Variants in PCDHGB2 observed in about 807,000 individuals in gnomAD.
PCDHGB2 encodes the protein protocadherin gamma-B2.
PCDHGB2 carries 55 observed loss-of-function variants against 59.3 expected under a neutral mutation model. The observed-to-expected ratio is 0.93, with a 90% CI of 0.75 to 1.16. The LOEUF (loss-of-function observed/expected upper bound fraction) is 1.16, where lower values mean the gene tolerates loss of function less well. Ranked by LOEUF, PCDHGB2 falls within the 50% of genes most tolerant of loss-of-function variation. The probability of loss-of-function intolerance (pLI) is 0.00; values close to 1 mark genes in which losing one functional copy is unlikely to be tolerated. For synonymous variants in PCDHGB2, 516 were observed against 512.0 expected, an observed-to-expected ratio of 1.01 and a Z score of -0.11; for missense variants, 1,228 against 1,198.5, an observed-to-expected ratio of 1.02 and a Z score of -0.36.
At position 141,409,157 on chromosome 5, in the gene PCDHGB2, G is replaced by C. The variant is rs774813801; in HGVS notation, c.2421+46601G>C. 4 of 1,614,054 alleles carry C rather than the reference G, an allele frequency of 2.5e-6. No homozygotes were observed. In the South Asian group the frequency reaches 4.4e-5, roughly 18 times the overall value. ...AGATGTAGAAAGGTACACCATGGAA[G>C]TGGAAGCGAAGGACGGAGGTGGTCT... On this transcript the variant is annotated intron_variant, in intron 1 of 3. Coordinates refer to ENST00000522605, the MANE Select transcript of PCDHGB2 (RefSeq NM_018923.3).
intron 1 of PCDHGB2, among the ~76,000 whole-genome samples, chr5:141,448,831 G>C (rs985602153): frequency 4.6e-5 from 7 of 152,096 alleles, no homozygotes; most frequent in Non-Finnish European, 7.4e-5. Flanking sequence ...TGTAGTCCCA[G>C]CTACTCTGGA....
intron 1 of PCDHGB2, chr5:141,394,008 G>A: frequency 1.2e-6 from 2 of 1,613,330 alleles, no homozygotes; most frequent in South Asian, 2.2e-5. Context: ...AAAGTCAATA[G>A]GTAATTATTA....
intron 1 of PCDHGB2, chr5:141,382,975 G>A (rs1459980689): frequency 6.2e-7 from 1 of 1,610,700 alleles, no homozygotes. Flanking sequence ...CCCCTGGGAA[G>A]CCTGGGCAGG....
Position 141,360,485 on chromosome 5 carries a change from T to C in PCDHGB2, c.350T>C (p.Phe117Ser), listed in dbSNP as rs751812912. Residue 117 changes from phenylalanine (F) to serine (S), a missense_variant, in exon 1 of 4, where the codon TTC (phenylalanine) becomes TCC (serine). This residue lies in a region of PCDHGB2 where 781 missense variants were observed against 721.6 expected (regional missense o/e 1.08). Transcript: ENST00000522605. ...DTVAENPLNIFYIAVIVQDIN... is the reference protein window; with the variant it reads ...DTVAENPLNISYIAVIVQDIN... ...GTCGCTGAAAATCCACTAAATATTTTCTACATAGCAGTAATTGTGCAGGAT... is the reference window on the plus strand; with the variant it reads ...GTCGCTGAAAATCCACTAAATATTTCCTACATAGCAGTAATTGTGCAGGAT... 1.2e-6 allele frequency: 2 copies of C among 1,613,990 alleles called. No individual in the cohort carries two copies. The highest frequency in any genetic ancestry group is 4.5e-5 in the East Asian group (2 of 44,886).
intron 1 of PCDHGB2, among the ~76,000 whole-genome samples, chr5:141,368,076 A>G (rs1765474511): frequency 6.6e-6 from 1 of 152,210 alleles, no homozygotes; most frequent in South Asian, 2.1e-4. Flanking sequence ...TCCCTTCTGC[A>G]TCTGATTTGC....
At chr5:141,397,183 T>C (rs1319444729) in intron 1 of PCDHGB2, among the ~76,000 whole-genome samples, 2 of 152,190 alleles carry the variant, frequency 1.3e-5, no homozygotes, top group East Asian at 3.8e-4. Flanking sequence ...AATGAATTTA[T>C]GTACTGTAAA....
At chr5:141,474,156 A>T (rs1387216017) in intron 1 of PCDHGB2, among the ~76,000 whole-genome samples, 1 of 152,244 alleles carries the variant, frequency 6.6e-6, no homozygotes, top group Non-Finnish European at 1.5e-5. Context: ...CAAGAAAATG[A>T]CAGGCCTTAT....
chr5:141,413,263 G>A, intron 1 of PCDHGB2: 1 of 1,613,940 alleles, frequency 6.2e-7, no homozygotes, highest in Admixed American at 1.7e-5. Flanking sequence ...TCCATGGGAG[G>A]CTGGAGCCCG....
At chr5:141,502,441 GAT>G (rs2099814262) in intron 2 of PCDHGB2, among the ~76,000 whole-genome samples, 1 of 152,000 alleles carries the variant, frequency 6.6e-6, no homozygotes, top group Non-Finnish European at 1.5e-5. Flanking sequence ...GTTAGATTCA[GAT>G]TACACACCTT....
intron 1 of PCDHGB2, chr5:141,371,393 A>G (rs1227716102): frequency 5.6e-6 from 9 of 1,613,910 alleles, no homozygotes; most frequent in Admixed American, 5.0e-5. Flanking sequence ...ATTGTAAAGT[A>G]CAGATAGATA....
intron 1 of PCDHGB2, chr5:141,364,929 T>C (rs751043135): frequency 1.9e-6 from 3 of 1,613,810 alleles, no homozygotes; most frequent in African/African-American, 2.7e-5. Context: ...GAACAGCCCC[T>C]AGACCGCGAG....
In PCDHGB2 at chr5:141,487,819, C is replaced by A; in HGVS notation, c.2422-6988C>A. 2.3e-6 allele frequency: 3 copies of A among 1,285,528 alleles called. No homozygotes were observed. Among genetic ancestry groups the A allele is most frequent in the Non-Finnish European group, 3.2e-6 (3 of 932,998 alleles). 79.6% of individuals were successfully genotyped at this position (1,285,528 alleles called of 1,614,324 possible). On this transcript the variant is annotated intron_variant, in intron 1 of 3. Transcript: ENST00000522605. This position sits in a 1 kb window ranked among gnomAD's most constrained non-coding sequence, Gnocchi z 5.0. ...AGTTGTCACAGTTTAGCATTGGGGG[C>A]GGGTCATGCCTATATCTGAGTAAGA...
chr5:141,459,886 G>A (rs932435611), intron 1 of PCDHGB2, among the ~76,000 whole-genome samples: 2 of 152,080 alleles, frequency 1.3e-5, no homozygotes, highest in Non-Finnish European at 2.9e-5. Context: ...TGAGCTGAAC[G>A]CCTTCTTAAA....
At position 141,361,129 on chromosome 5, in the gene PCDHGB2, A is replaced by T. The variant is rs369568903; in HGVS notation, c.994A>T (p.Ser332Cys). 1.2e-6 allele frequency: 2 copies of T among 1,613,906 alleles called. No homozygotes were observed. Among genetic ancestry groups the T allele is most frequent in the Non-Finnish European group, 1.7e-6 (2 of 1,179,904 alleles). ...TCCTGGAGATCTAGCAGCCCACTGC[A>T]GTATCCAAGTTGAAATTCTTGATGA... ...KDPGDLAAHC[S>C]IQVEILDDND... Residue 332 changes from serine to cysteine, a missense_variant, in exon 1 of 4, where the codon AGT (serine) becomes TGT (cysteine). Ser to Cys is a moderately radical substitution (Grantham distance 112). Coordinates refer to ENST00000522605, the MANE Select transcript of PCDHGB2 (RefSeq NM_018923.3).
chr5:141,376,110 G>C (rs772810239), intron 1 of PCDHGB2: 1 of 1,613,644 alleles, frequency 6.2e-7, no homozygotes. Context: ...GCCGACCTGG[G>C]CAGCCTCGAG....
intron 1 of PCDHGB2, chr5:141,405,414 T>C (rs758249146): frequency 1.1e-4 from 169 of 1,562,196 alleles, no homozygotes; most frequent in Non-Finnish European, 1.5e-4. Context: ...TTTCTTTTTT[T>C]GTTTTTTGTT....
At chr5:141,469,374 A>G (rs1270202528) in intron 1 of PCDHGB2, among the ~76,000 whole-genome samples, 1 of 152,076 alleles carries the variant, frequency 6.6e-6, no homozygotes, top group Non-Finnish European at 1.5e-5. Flanking sequence ...AAAGAGATCG[A>G]GACCATCCTG....
Position 141,491,507 on chromosome 5 carries a change from C to G in PCDHGB2, c.2422-3300C>G, listed in dbSNP as rs755899622. The stretch of plus-strand genomic sequence containing the variant: ...AACCTGCAGGTGAGCTCGGACGGCA[C>G]GCTCAAGTACATGGAGGTGACGCTG... On this transcript the variant is annotated intron_variant, in intron 1 of 3. Coordinates refer to ENST00000522605, the MANE Select transcript of PCDHGB2 (RefSeq NM_018923.3). This position sits in a 1 kb window ranked among gnomAD's most constrained non-coding sequence, Gnocchi z 6.9. 1.5e-5 allele frequency: 24 copies of G among 1,614,038 alleles called. No individual in the cohort carries two copies. The highest frequency in any genetic ancestry group is 2.0e-5 in the Non-Finnish European group (24 of 1,180,016).
At chr5:141,488,565 C>T (rs1308485284) in intron 1 of PCDHGB2, among the ~76,000 whole-genome samples, 1 of 152,174 alleles carries the variant, frequency 6.6e-6, no homozygotes, top group Non-Finnish European at 1.5e-5. Flanking sequence ...GAGATTTCCG[C>T]AAAGCATTGC....
Sources: gnomAD v4.1 joint callset for allele counts (sites outside exome capture counted in the v4.1 genomes callset) on GRCh38, gnomAD v4.1.1 for gene constraint, gnomAD v4.1.1 regional missense constraint, Gnocchi (gnomAD v3.1) non-coding constraint, MANE v1.5 for transcripts, NCBI Gene and HGNC (gene_info 2026-07-23, HGNC 2026-07-21) for gene names.